NOS1AP: variants seen among roughly 807,000 people sequenced by gnomAD.
NOS1AP encodes carboxyl-terminal PDZ ligand of neuronal nitric oxide synthase protein.
NOS1AP carries 21 observed loss-of-function variants against 56.2 expected under a neutral mutation model. The observed-to-expected ratio is 0.37, with a 90% CI of 0.26 to 0.54. The LOEUF is 0.54. NOS1AP is among the 20% of genes least tolerant of loss of function. The probability of loss-of-function intolerance (pLI) is 0.84; values close to 1 mark genes in which losing one functional copy is unlikely to be tolerated. For synonymous variants in NOS1AP, 270 were observed against 274.6 expected (o/e 0.98, Z 0.17); for missense variants, 522 against 657.8 (o/e 0.79, Z 2.26).
intron 2 of NOS1AP, among the ~76,000 whole-genome samples, chr1:162,224,007 C>G (rs1384094425): frequency 1.3e-5 from 2 of 152,196 alleles, no homozygotes; most frequent in Non-Finnish European, 2.9e-5. Context: ...AGGGCACTCT[C>G]CAGTTCACTT....
chr1:162,306,550 T>C (rs1478121395), intron 4 of NOS1AP, among the ~76,000 whole-genome samples: 2 of 152,210 alleles, frequency 1.3e-5, no homozygotes, highest in Non-Finnish European at 2.9e-5. Context: ...AGTTCTAGCC[T>C]AGGTGAGTTG....
At chr1:162,115,924 T>A (rs1647931659) in intron 1 of NOS1AP, among the ~76,000 whole-genome samples, 1 of 152,226 alleles carries the variant, frequency 6.6e-6, no homozygotes, top group Admixed American at 6.5e-5. Flanking sequence ...TGTACTGGTC[T>A]CTATCTAGGA....
At chr1:162,366,664 C>A (rs1373094851) in intron 9 of NOS1AP, among the ~76,000 whole-genome samples, 1 of 152,182 alleles carries the variant, frequency 6.6e-6, no homozygotes, top group African/African-American at 2.4e-5. Flanking sequence ...CCAGATTGTT[C>A]ATTGAAACTC....
rs769389022 is a variant in NOS1AP at position 162,367,352 on chromosome 1, A to G, written c.1406A>G (p.Asn469Ser). The change falls in exon 10 of 10, where the codon AAC becomes AGC. Residue 469 changes from asparagine to serine, a missense_variant. Asn to Ser is a conservative substitution (Grantham distance 46, BLOSUM62 1). Coordinates refer to ENST00000361897, the MANE Select transcript of NOS1AP (RefSeq NM_014697.3). This position sits in a 1 kb window ranked among gnomAD's most constrained non-coding sequence, Gnocchi z 6.5. ...ESGIASEYES[N>S]TDESEERDSW... is the part of the protein sequence containing the mutation. ...GGCATCGCCTCGGAGTACGAGTCCA[A>G]CACGGACGAGAGCGAGGAGCGCGAC... is the stretch of plus-strand genomic sequence containing the variant. The G allele has an allele frequency of 1.9e-5, 31 of 1,612,740 alleles. No homozygotes were observed. Among genetic ancestry groups the G allele is most frequent in the Non-Finnish European group, 2.5e-5 (30 of 1,179,734 alleles).
chr1:162,106,050 C>G (rs757219206), intron 1 of NOS1AP, among the ~76,000 whole-genome samples: 1 of 152,168 alleles, frequency 6.6e-6, no homozygotes, highest in African/African-American at 2.4e-5. Flanking sequence ...CTGAGCCACT[C>G]CCTGAGTGGC....
At chr1:162,209,350 T>G (rs149443087) in intron 2 of NOS1AP, among the ~76,000 whole-genome samples, 89 of 152,286 alleles carry the variant, frequency 5.8e-4, no homozygotes, top group African/African-American at 2.0e-3. Context: ...TAGTCTGGAC[T>G]GAAGTGTGTG....
At chr1:162,110,806 T>C (rs1443359042) in intron 1 of NOS1AP, among the ~76,000 whole-genome samples, 1 of 152,258 alleles carries the variant, frequency 6.6e-6, no homozygotes, top group East Asian at 1.9e-4. Context: ...ATTAAAGTTG[T>C]ATTTGCTGTG....
chr1:162,221,133 G>A (rs1433139821), intron 2 of NOS1AP, among the ~76,000 whole-genome samples: 1 of 152,144 alleles, frequency 6.6e-6, no homozygotes, highest in African/African-American at 2.4e-5. Flanking sequence ...TAGAGACGGG[G>A]TTTCACCATG....
chr1:162,249,934 A>T (rs2101690822), intron 2 of NOS1AP, among the ~76,000 whole-genome samples: 1 of 152,292 alleles, frequency 6.6e-6, no homozygotes, highest in South Asian at 2.1e-4. Flanking sequence ...GCAGATGAGG[A>T]AGTAAAGACT....
rs959399826 is a variant in NOS1AP, at chr1:162,332,951, C to G, written c.345-66C>G. On this transcript the variant is annotated intron_variant, in intron 4 of 9. Transcript: ENST00000361897. ...TGCTTCAGAGTGTCCTTAAACAGAG[C>G]TTTCCTGGTTGGAGATTTGAACCTA... 4 of 1,120,878 alleles carry G rather than the reference C, an allele frequency of 3.6e-6. No homozygotes were observed. In the African/African-American group the frequency reaches 6.1e-5, roughly 17 times the overall value. The allele number at this position is 1,120,878 out of a possible 1,614,324, so 69.4% of individuals were successfully genotyped here. A position where few individuals can be genotyped will look rare whatever the true frequency, so the allele number is the denominator to read the frequency against.
At chr1:162,284,373 G>A (rs916396279) in intron 2 of NOS1AP, among the ~76,000 whole-genome samples, 1 of 152,194 alleles carries the variant, frequency 6.6e-6, no homozygotes, top group African/African-American at 2.4e-5. Context: ...GGCAGGTGGG[G>A]AAGATGCAGA....
chr1:162,136,069 A>G (rs944887585), intron 1 of NOS1AP, among the ~76,000 whole-genome samples: 4 of 152,208 alleles, frequency 2.6e-5, no homozygotes, highest in Non-Finnish European at 5.9e-5. Flanking sequence ...AACCCGAGTT[A>G]GTACTATAAA....
At chr1:162,254,419 C>A (rs1357875233) in intron 2 of NOS1AP, among the ~76,000 whole-genome samples, 1 of 152,070 alleles carries the variant, frequency 6.6e-6, no homozygotes, top group Non-Finnish European at 1.5e-5. Flanking sequence ...ATGTGACTAA[C>A]CCTCCCCAGC....
At chr1:162,273,624 C>T (rs2101721697) in intron 2 of NOS1AP, among the ~76,000 whole-genome samples, 1 of 152,314 alleles carries the variant, frequency 6.6e-6, no homozygotes, top group South Asian at 2.1e-4. Flanking sequence ...GTTTGGGAAG[C>T]ATCTCCTATC....
chr1:162,248,840 G>A (rs868705948), intron 2 of NOS1AP, among the ~76,000 whole-genome samples: 4 of 151,934 alleles, frequency 2.6e-5, no homozygotes, highest in African/African-American at 9.7e-5. Context: ...TAAAGTCTTC[G>A]GGGACCCATC....
chr1:162,278,523 C>A (rs116366980), intron 2 of NOS1AP, among the ~76,000 whole-genome samples: 1,582 of 152,210 alleles, frequency 0.01, 24 homozygotes, highest in African/African-American at 0.036. Flanking sequence ...TGATTACCTT[C>A]TTTTCAAGAG....
chr1:162,323,131 A>G (rs953603814), intron 4 of NOS1AP, among the ~76,000 whole-genome samples: 3 of 152,238 alleles, frequency 2.0e-5, no homozygotes, highest in Admixed American at 6.5e-5. Flanking sequence ...CCTAAATCCA[A>G]TGACCAGGGT....
At position 162,343,819 on chromosome 1, in the gene NOS1AP, C is replaced by A; in HGVS notation, c.454-16C>A. 6.2e-7 allele frequency: 1 copy of A among 1,613,738 alleles called. No homozygotes were observed. Among genetic ancestry groups the A allele is most frequent in the South Asian group, 1.1e-5 (1 of 91,010 alleles). ...GCATCCTCACCCATCCTGTTCTTCT[C>A]CTTTCTCCTTCCCAGAGCCAAGCTA... On this transcript the variant is annotated splice_polypyrimidine_tract_variant and intron_variant, in intron 5 of 9. Coordinates refer to ENST00000361897, the MANE Select transcript of NOS1AP (RefSeq NM_014697.3).
intron 1 of NOS1AP, among the ~76,000 whole-genome samples, chr1:162,125,368 A>AAGGTG (rs1419799037): frequency 5.3e-5 from 8 of 152,076 alleles, no homozygotes; most frequent in Non-Finnish European, 8.8e-5. Flanking sequence ...TCCTGAGCTT[A>AAGGTG]GGCAATCTGC....
Sources: allele counts gnomAD v4.1 joint callset (sites outside exome capture counted in the v4.1 genomes callset), GRCh38; gene constraint gnomAD v4.1.1; non-coding constraint Gnocchi (gnomAD v3.1); transcripts MANE v1.5; gene names NCBI Gene and HGNC (gene_info 2026-07-23, HGNC 2026-07-21).